ZBTB38: variants seen among roughly 807,000 people sequenced by gnomAD.
ZBTB38 encodes zinc finger and BTB domain containing 38, also known as zinc finger and BTB domain-containing protein 38.
A neutral mutation model predicts 76.8 loss-of-function variants in ZBTB38; 20 were observed. The ratio of observed to expected loss-of-function variants is 0.26; its 90% CI spans 0.18 to 0.38. The LOEUF (loss-of-function observed/expected upper bound fraction) is 0.38, where lower values mean the gene tolerates loss of function less well. ZBTB38 is among the 10% of genes least tolerant of loss of function. The pLI, the probability that ZBTB38 is intolerant of heterozygous loss-of-function variation, is 1.00. For synonymous variants in ZBTB38, 504 were observed against 544.2 expected (o/e 0.93, Z 1.03); for missense variants, 1,082 against 1,482.3 (o/e 0.73, Z 4.43).
At position 141,442,778 on chromosome 3, in the gene ZBTB38, C is replaced by G; in HGVS notation, c.390C>G (p.Ser130=). The G allele has an allele frequency of 6.2e-7, 1 of 1,614,102 alleles. No homozygotes were observed. ...TTACTGATCGCAACTTCTCAAATTC[C>G]CCGGGTCCCTATGTATTCTGTATTA... ...EDLTDRNFSN[S]PGPYVFCITE... is the part of the protein sequence containing the mutation. Residue 130 remains serine (S), a synonymous_variant, in exon 6 of 6, where the codon TCC becomes TCG. Coordinates refer to ENST00000321464, the MANE Select transcript of ZBTB38 (RefSeq NM_001376113.1). This position sits in a 1 kb window ranked among gnomAD's most constrained non-coding sequence, Gnocchi z 6.4.
At position 141,443,649 on chromosome 3, in the gene ZBTB38, T is replaced by C. The variant is rs1222422800; in HGVS notation, c.1261T>C (p.Ser421Pro). 4 of 1,614,242 alleles carry C rather than the reference T, an allele frequency of 2.5e-6. No homozygotes were observed. Among genetic ancestry groups the C allele is most frequent in the Non-Finnish European group, 3.4e-6 (4 of 1,180,044 alleles). The change falls in exon 6 of 6, where the codon TCA becomes CCA. Residue 421 changes from serine to proline, a missense_variant. Ser to Pro is a moderately conservative substitution (Grantham distance 74). Around this residue, in one of 8 missense-constraint regions of ZBTB38, gnomAD observed 324 missense variants for 359.1 expected, o/e 0.90. Coordinates refer to ENST00000321464, the MANE Select transcript of ZBTB38 (RefSeq NM_001376113.1). This position sits in a 1 kb window ranked among gnomAD's most constrained non-coding sequence, Gnocchi z 5.6. ...NYPTIGQNGG[S>P]FTGPEPLLSE... is the part of the protein sequence containing the mutation. ...TCCTACCATTGGACAAAATGGAGGT[T>C]CATTCACAGGTCCAGAACCTTTATT...
intron 5 of ZBTB38, among the ~76,000 whole-genome samples, chr3:141,416,057 G>A (rs974578807): frequency 6.6e-6 from 1 of 152,286 alleles, no homozygotes; most frequent in East Asian, 1.9e-4. Context: ...AAAGGGAGGT[G>A]TAGCTGAACT....
intron 5 of ZBTB38, among the ~76,000 whole-genome samples, chr3:141,408,006 T>C (rs1011473028): frequency 1.3e-5 from 2 of 152,216 alleles, no homozygotes; most frequent in Admixed American, 6.5e-5. Context: ...CCAGTTTCTT[T>C]TTCTGGGGAA....
intron 1 of ZBTB38, among the ~76,000 whole-genome samples, chr3:141,336,999 G>A (rs13434224): frequency 0.27 from 40,575 of 152,082 alleles, 5,846 homozygotes; most frequent in Non-Finnish European, 0.31. Context: ...TTCTAATTAC[G>A]TACATAACAC....
intron 5 of ZBTB38, among the ~76,000 whole-genome samples, chr3:141,409,461 C>T (rs1955882178): frequency 6.6e-6 from 1 of 152,178 alleles, no homozygotes; most frequent in South Asian, 2.1e-4. Flanking sequence ...GGTATTTGTT[C>T]CTGATTTTAA....
At chr3:141,334,440 CCTT>C (rs1559910873) in intron 1 of ZBTB38, among the ~76,000 whole-genome samples, 3 of 126,496 alleles carry the variant, frequency 2.4e-5, no homozygotes, top group African/African-American at 3.4e-5. Flanking sequence ...TTCCTTCCTT[CCTT>C]CTTTCCTTTC....
At chr3:141,386,812 T>C (rs1174298101) in intron 3 of ZBTB38, 60 bp from the exon 4 acceptor site, 1 of 152,670 alleles carries the variant, frequency 6.6e-6, no homozygotes, top group African/African-American at 2.4e-5. Context: ...CAGTGTTTAG[T>C]GATTGGGCTC....
chr3:141,330,740 C>T (rs1440649586), intron 1 of ZBTB38, among the ~76,000 whole-genome samples: 3 of 152,166 alleles, frequency 2.0e-5, no homozygotes, highest in Non-Finnish European at 2.9e-5. Flanking sequence ...GCTCTGCCCT[C>T]AAAAGTGGAT....
At chr3:141,346,782 T>TGTGTG (rs1943369260) in intron 1 of ZBTB38, among the ~76,000 whole-genome samples, 2 of 144,562 alleles carry the variant, frequency 1.4e-5, no homozygotes, top group African/African-American at 5.2e-5. Context: ...TTGTTTTGTT[T>TGTGTG]TGTGTGTGTG....
chr3:141,364,047 A>G (rs1943889865), upstream of ZBTB38, among the ~76,000 whole-genome samples: 1 of 152,164 alleles, frequency 6.6e-6, no homozygotes, highest in Non-Finnish European at 1.5e-5. Flanking sequence ...ACAACCATAG[A>G]CAGGGAGATA....
chr3:141,394,896 A>C (rs1949982761), intron 4 of ZBTB38, among the ~76,000 whole-genome samples: 1 of 152,102 alleles, frequency 6.6e-6, no homozygotes, highest in Non-Finnish European at 1.5e-5. Flanking sequence ...GGGACTTCTT[A>C]AGGTCTCTCG....
chr3:141,361,866 T>G (rs1045673347), intron 1 of ZBTB38, among the ~76,000 whole-genome samples: 5 of 152,222 alleles, frequency 3.3e-5, no homozygotes, highest in African/African-American at 1.2e-4. Context: ...TATGCTCTGA[T>G]GAGTTGTTTA....
At chr3:141,419,919 G>A (rs746408341) in intron 5 of ZBTB38, among the ~76,000 whole-genome samples, 3 of 152,100 alleles carry the variant, frequency 2.0e-5, no homozygotes, top group African/African-American at 2.4e-5. Flanking sequence ...CCCAGGAGGC[G>A]GAGGTTGCAG....
chr3:141,347,381 A>T (rs1194647793), intron 1 of ZBTB38, among the ~76,000 whole-genome samples: 1 of 152,206 alleles, frequency 6.6e-6, no homozygotes, highest in African/African-American at 2.4e-5. Context: ...TGACTGGACA[A>T]GACATAATTT....
intron 4 of ZBTB38, among the ~76,000 whole-genome samples, chr3:141,394,001 T>C (rs1949685472): frequency 7.5e-6 from 1 of 132,768 alleles, no homozygotes; most frequent in African/African-American, 3.4e-5. Flanking sequence ...TTTTTTTTTC[T>C]TTCTTTCTTT....
chr3:141,407,715 T>C (rs1955059679), intron 5 of ZBTB38, among the ~76,000 whole-genome samples: 1 of 152,248 alleles, frequency 6.6e-6, no homozygotes, highest in Admixed American at 6.5e-5. Flanking sequence ...AGCACTGTCA[T>C]GGCTGGTGAC....
chr3:141,343,636 C>T (rs1289524953), intron 1 of ZBTB38, among the ~76,000 whole-genome samples: 1 of 152,152 alleles, frequency 6.6e-6, no homozygotes, highest in East Asian at 1.9e-4. Flanking sequence ...ATCCTCAGCC[C>T]CTGTTGGTTG....
chr3:141,361,507 G>T (rs2148959659), intron 1 of ZBTB38, among the ~76,000 whole-genome samples: 1 of 152,326 alleles, frequency 6.6e-6, no homozygotes, highest in South Asian at 2.1e-4. Flanking sequence ...AGTATGTTAA[G>T]TGGTCAAGCA....
At chr3:141,334,424 CCTTCCTTCCTTCCTTCCTTCTTTCCTTT>C in intron 1 of ZBTB38, among the ~76,000 whole-genome samples, 1 of 127,252 alleles carries the variant, frequency 7.9e-6, no homozygotes, top group Non-Finnish European at 1.7e-5. Flanking sequence ...TTCCTTCCTT[CCTTCCTTCCTTCCTTCCTTCTTTCCTTT>C]CTTCCTTCCT....
Sources: allele counts gnomAD v4.1 joint callset (sites outside exome capture counted in the v4.1 genomes callset), GRCh38; gene constraint gnomAD v4.1.1; regional missense constraint gnomAD v4.1.1; non-coding constraint Gnocchi (gnomAD v3.1); transcripts MANE v1.5; gene names NCBI Gene and HGNC (gene_info 2026-07-23, HGNC 2026-07-21).